Variants in FHIT observed in about 807,000 individuals in gnomAD.
The protein encoded by FHIT is fragile histidine triad diadenosine triphosphatase, also known as bis(5'-adenosyl)-triphosphatase.
A neutral mutation model predicts 17.9 loss-of-function variants in FHIT; 19 were observed. The observed-to-expected ratio is 1.06, with a 90% confidence interval of 0.74 to 1.56. The LOEUF (loss-of-function observed/expected upper bound fraction) is 1.56. FHIT is among the 40% of genes most tolerant of loss of function. The pLI is 0.00. For synonymous variants in FHIT, 81 were observed against 69.7 expected, an observed-to-expected ratio of 1.16 and a Z score of -0.81; for missense variants, 248 against 189.2, an observed-to-expected ratio of 1.31 and a Z score of -1.82.
At chr3:60,140,120 C>T (rs1246800808) in intron 5 of FHIT, among the ~76,000 whole-genome samples, 4 of 145,176 alleles carry the variant, frequency 2.8e-5, no homozygotes, top group African/African-American at 7.8e-5. Context: ...GATTCCATCT[C>T]GAAAAAAAAA....
intron 4 of FHIT, among the ~76,000 whole-genome samples, chr3:60,757,749 A>G (rs1324317299): frequency 6.6e-6 from 1 of 152,230 alleles, no homozygotes; most frequent in African/African-American, 2.4e-5. Context: ...TGTAAGCACA[A>G]GAGAAAGCTG....
At chr3:60,269,346 C>T (rs1368764404) in intron 5 of FHIT, among the ~76,000 whole-genome samples, 1 of 152,134 alleles carries the variant, frequency 6.6e-6, no homozygotes, top group Non-Finnish European at 1.5e-5. Flanking sequence ...CATTTGAAAT[C>T]TAGAATTTCT....
chr3:60,347,375 C>G (rs1710833653), intron 5 of FHIT, among the ~76,000 whole-genome samples: 1 of 151,788 alleles, frequency 6.6e-6, no homozygotes, highest in African/African-American at 2.4e-5. Flanking sequence ...AAGTTGTCTG[C>G]AAATAAATGA....
chr3:60,510,533 A>G (rs1559502208), intron 5 of FHIT, among the ~76,000 whole-genome samples: 2 of 152,168 alleles, frequency 1.3e-5, no homozygotes, highest in Non-Finnish European at 2.9e-5. Context: ...TCAAATATGT[A>G]TCCTTCCACT....
chr3:60,212,878 G>T (rs1232832408), intron 5 of FHIT, among the ~76,000 whole-genome samples: 1 of 152,108 alleles, frequency 6.6e-6, no homozygotes, highest in Non-Finnish European at 1.5e-5. Flanking sequence ...AGCAAATCCG[G>T]GTTTGTTCCT....
chr3:60,195,588 T>C (rs1303351674), intron 5 of FHIT, among the ~76,000 whole-genome samples: 1 of 85,458 alleles, frequency 1.2e-5, no homozygotes, highest in Non-Finnish European at 2.3e-5. Flanking sequence ...TATTTATATT[T>C]ATATATAATT....
chr3:60,723,591 A>G (rs2041855839), intron 4 of FHIT, among the ~76,000 whole-genome samples: 1 of 152,210 alleles, frequency 6.6e-6, no homozygotes, highest in Non-Finnish European at 1.5e-5. Context: ...TTAAGGAACT[A>G]AGAGCATCCT....
chr3:60,984,439 AT>A lies in FHIT; in HGVS notation c.-111+57607del, dbSNP rs1340772598. 2.6e-5 allele frequency among the ~76,000 whole-genome samples: 4 copies of A among 152,336 alleles called. No homozygotes were observed. In the East Asian group the frequency reaches 7.7e-4, roughly 29 times the overall value. ...CACCCAAATGTTCAGAGCTTTGTATATGTGTCTTAATAATCTGTCATCCAAT... is the reference window on the plus strand; with the variant it reads ...CACCCAAATGTTCAGAGCTTTGTATAGTGTCTTAATAATCTGTCATCCAAT... On this transcript the variant is annotated intron_variant, in intron 3 of 9. Transcript: ENST00000492590.
At chr3:60,654,200 C>T (rs1023001183) in intron 4 of FHIT, among the ~76,000 whole-genome samples, 1 of 152,182 alleles carries the variant, frequency 6.6e-6, no homozygotes, top group Non-Finnish European at 1.5e-5. Flanking sequence ...GCCTGCAGAA[C>T]CATGAGCCAA....
At chr3:59,845,496 G>T (rs949242747) in intron 8 of FHIT, among the ~76,000 whole-genome samples, 2 of 151,914 alleles carry the variant, frequency 1.3e-5, no homozygotes, top group Admixed American at 6.6e-5. Flanking sequence ...TGTCTTTTAA[G>T]TATTATCTAA....
At chr3:60,641,493 G>A (rs1014667277) in intron 4 of FHIT, among the ~76,000 whole-genome samples, 37 of 152,222 alleles carry the variant, frequency 2.4e-4, no homozygotes, top group African/African-American at 8.9e-4. Flanking sequence ...TGCATGGCAA[G>A]AATTTTCTCA....
intron 2 of FHIT, among the ~76,000 whole-genome samples, chr3:61,130,070 G>C (rs1186635170): frequency 6.6e-6 from 1 of 152,134 alleles, no homozygotes; most frequent in Non-Finnish European, 1.5e-5. Flanking sequence ...AGTTGGCAAA[G>C]TAAATCTGAA....
chr3:60,585,191 AG>A (rs779401021), intron 4 of FHIT, among the ~76,000 whole-genome samples: 72 of 152,138 alleles, frequency 4.7e-4, no homozygotes, highest in Non-Finnish European at 5.4e-4. Flanking sequence ...GCTGAAGCTG[AG>A]TGGCCTATAA....
intron 8 of FHIT, among the ~76,000 whole-genome samples, chr3:59,917,440 T>G (rs1705185530): frequency 6.6e-6 from 1 of 152,212 alleles, no homozygotes; most frequent in African/African-American, 2.4e-5. Flanking sequence ...TGATATGACA[T>G]TAGGCCATGG....
chr3:60,685,583 G>T (rs1553698207), intron 4 of FHIT, among the ~76,000 whole-genome samples: 1 of 152,066 alleles, frequency 6.6e-6, no homozygotes, highest in Non-Finnish European at 1.5e-5. Context: ...GGCCAGTAAG[G>T]GCTTGCAAAG....
intron 4 of FHIT, among the ~76,000 whole-genome samples, chr3:60,779,842 C>T (rs892895725): frequency 1.3e-4 from 20 of 152,174 alleles, no homozygotes; most frequent in Non-Finnish European, 7.3e-5. Context: ...CCCCAAACTT[C>T]CTGTTTCATG....
intron 5 of FHIT, among the ~76,000 whole-genome samples, chr3:60,173,915 A>ATATATATATATATATATATTTT: frequency 3.0e-5 from 2 of 66,420 alleles, no homozygotes; most frequent in African/African-American, 6.3e-5. Flanking sequence ...ATATATATAT[A>ATATATATATATATATATATTTT]TGTTTTTTTT....
chr3:60,877,696 A>G (rs1200582995), intron 3 of FHIT, among the ~76,000 whole-genome samples: 1 of 152,072 alleles, frequency 6.6e-6, no homozygotes, highest in Non-Finnish European at 1.5e-5. Context: ...CTGATGTAGT[A>G]TCTTGTGTCC....
chr3:61,124,126 C>T (rs922520542), intron 2 of FHIT, among the ~76,000 whole-genome samples: 1 of 152,142 alleles, frequency 6.6e-6, no homozygotes, highest in Non-Finnish European at 1.5e-5. Context: ...GGCACACAGA[C>T]ATAACAAGTC....
Sources: allele counts gnomAD v4.1 joint callset (sites outside exome capture counted in the v4.1 genomes callset), GRCh38; gene constraint gnomAD v4.1.1; transcripts MANE v1.5; gene names NCBI Gene and HGNC (gene_info 2026-07-23, HGNC 2026-07-21).